Variants in DHX35 observed in about 807,000 individuals in gnomAD.
The protein encoded by DHX35 is DEAH-box helicase 35, also known as probable ATP-dependent RNA helicase DHX35.
A neutral mutation model predicts 99.6 loss-of-function variants in DHX35; 84 were observed. That is an observed-to-expected ratio of 0.84 (90% CI 0.71 to 1.01). The LOEUF (loss-of-function observed/expected upper bound fraction) is 1.01. DHX35 is among the 50% of genes least tolerant of loss of function. The pLI is 0.00. For missense variants in DHX35, 852 were observed against 888.5 expected, an observed-to-expected ratio of 0.96 and a Z score of 0.52; for synonymous variants, 331 against 316.2, an observed-to-expected ratio of 1.05 and a Z score of -0.50.
In DHX35 at chr20:39,038,554, C is replaced by T. The variant is rs1387470234; in HGVS notation, c.*11C>T. ...GTCCAGGACCCGTGAGAGGAGCCCA[C>T]AGCTACAGCTGCAGGGACTGCTGGC... On this transcript the variant is annotated 3_prime_UTR_variant, in exon 22 of 22. Coordinates refer to ENST00000252011, the MANE Select transcript of DHX35 (RefSeq NM_021931.4). 2 of 1,610,874 alleles carry T rather than the reference C, an allele frequency of 1.2e-6. No individual in the cohort carries two copies. The highest frequency in any genetic ancestry group is 1.7e-6 in the Non-Finnish European group (2 of 1,179,664).
chr20:39,031,919 G>T (rs2087060828), intron 20 of DHX35, among the ~76,000 whole-genome samples: 1 of 152,216 alleles, frequency 6.6e-6, no homozygotes, highest in African/African-American at 2.4e-5. Flanking sequence ...GGTATGGGTG[G>T]CCCATGCAAT....
At chr20:38,994,342 C>T (rs953015011) in intron 7 of DHX35, among the ~76,000 whole-genome samples, 3 of 151,800 alleles carry the variant, frequency 2.0e-5, no homozygotes, top group Admixed American at 6.6e-5. Flanking sequence ...GGTCACTTCT[C>T]CAATGCCTGT....
chr20:39,029,708 A>T (rs776949215), intron 19 of DHX35: 1 of 152,062 alleles, frequency 6.6e-6, no homozygotes, highest in African/African-American at 2.4e-5. Flanking sequence ...AATTTTGACT[A>T]GCGTTTGGAA....
At chr20:39,016,809 A>G (rs1054617480) in intron 14 of DHX35, among the ~76,000 whole-genome samples, 1 of 149,764 alleles carries the variant, frequency 6.7e-6, no homozygotes, top group African/African-American at 2.4e-5. Flanking sequence ...CCCATTTGTA[A>G]ATCTTCTTTG....
At chr20:38,996,262 G>A (rs1018664301) in intron 8 of DHX35, among the ~76,000 whole-genome samples, 3 of 152,070 alleles carry the variant, frequency 2.0e-5, no homozygotes, top group African/African-American at 7.2e-5. Context: ...TGTTTATTGT[G>A]TGTCTCCTGT....
rs1445139686 is a variant in DHX35 at position 39,006,297 on chromosome 20, A to G, written c.1163A>G (p.Asn388Ser). 2 of 1,614,030 alleles carry G rather than the reference A, an allele frequency of 1.2e-6. No individual in the cohort carries two copies. Among genetic ancestry groups the G allele is most frequent in the Non-Finnish European group, 1.7e-6 (2 of 1,180,022 alleles). ...GTGCCAGTCTCCCAGGCATCAGCTA[A>G]TCAGCGAGCAGGACGTGGTGGTCGT... ...VVVPVSQASA[N>S]QRAGRGGRSR... Residue 388 changes from asparagine to serine, a missense_variant, in exon 12 of 22, where the codon AAT becomes AGT. Asn to Ser is a conservative substitution (Grantham distance 46). Coordinates refer to ENST00000252011, the MANE Select transcript of DHX35 (RefSeq NM_021931.4).
intron 1 of DHX35, among the ~76,000 whole-genome samples, chr20:38,968,049 G>A (rs937907415): frequency 6.6e-6 from 1 of 152,148 alleles, no homozygotes; most frequent in Non-Finnish European, 1.5e-5. Context: ...CTGAGAGGAA[G>A]AATTAAAAAA....
chr20:39,037,769 C>T (rs55662361), intron 21 of DHX35, among the ~76,000 whole-genome samples: 7,313 of 152,286 alleles, frequency 0.048, 585 homozygotes, highest in African/African-American at 0.17. Flanking sequence ...TGTATTTACA[C>T]ACTCTGCCTC....
chr20:38,995,252 C>T (rs965707650), intron 8 of DHX35, among the ~76,000 whole-genome samples: 7 of 152,102 alleles, frequency 4.6e-5, no homozygotes, highest in Admixed American at 1.3e-4. Flanking sequence ...GGGCTGGGCA[C>T]GGTGGCTCAC....
intron 13 of DHX35, 91 bp downstream of exon 13, chr20:39,010,495 T>C: frequency 1.3e-6 from 2 of 1,504,226 alleles, no homozygotes; most frequent in Non-Finnish European, 9.0e-7. Flanking sequence ...CCATCTTTCC[T>C]TTTTTTCCCT....
At position 39,038,906 on chromosome 20, in the gene DHX35, G is replaced by C. The variant is rs2087200590; in HGVS notation, c.*363G>C. The C allele has an allele frequency of 1.3e-5, 4 of 304,372 alleles. No homozygotes were observed. The highest frequency in any genetic ancestry group is 4.5e-5 in the South Asian group (1 of 22,392). 18.9% of individuals were successfully genotyped at this position (304,372 alleles called of 1,614,324 possible). On this transcript the variant is annotated 3_prime_UTR_variant, in exon 22 of 22. Transcript: ENST00000252011. ...GCCACTGAAGGCCAAAACACCATGT[G>C]GGGTGGACAGAGGGTTTGCTGGGCT...
intron 9 of DHX35, 113 bp downstream of exon 9, chr20:39,001,955 G>T (rs2086527403): frequency 3.5e-6 from 3 of 863,542 alleles, no homozygotes; most frequent in South Asian, 1.4e-5. Context: ...AGCATGTTTT[G>T]TGTCCCTAGT....
chr20:38,998,684 T>G (rs2086469195), intron 8 of DHX35, among the ~76,000 whole-genome samples: 1 of 152,254 alleles, frequency 6.6e-6, no homozygotes, highest in Non-Finnish European at 1.5e-5. Flanking sequence ...GCCTCAAGAT[T>G]CTTGCATTGT....
intron 3 of DHX35, chr20:38,977,637 G>A (rs548837368): frequency 1.1e-4 from 38 of 350,636 alleles, no homozygotes; most frequent in Admixed American, 3.2e-4. Flanking sequence ...AATGGAACCT[G>A]GACAACATTT....
intron 14 of DHX35, among the ~76,000 whole-genome samples, chr20:39,017,216 G>A (rs2086800646): frequency 6.6e-6 from 1 of 151,998 alleles, no homozygotes; most frequent in Non-Finnish European, 1.5e-5. Context: ...AGTGAGGTAG[G>A]GGTCCATCTT....
chr20:38,995,023 T>C, intron 8 of DHX35, 143 bp downstream of exon 8: 3 of 661,854 alleles, frequency 4.5e-6, no homozygotes, highest in Non-Finnish European at 5.3e-6. Flanking sequence ...CTAGATTTCA[T>C]ATAATCAGAG....
At chr20:39,016,682 C>T (rs1399500026) in intron 14 of DHX35, among the ~76,000 whole-genome samples, 1 of 152,062 alleles carries the variant, frequency 6.6e-6, no homozygotes, top group African/African-American at 2.4e-5. Flanking sequence ...GTTGCCAATG[C>T]TTGTAATTGT....
At chr20:39,003,965 C>T (rs2086569239) in intron 11 of DHX35, 58 bp downstream of exon 11, 4 of 1,584,242 alleles carry the variant, frequency 2.5e-6, no homozygotes, top group Non-Finnish European at 3.5e-6. Context: ...TAATGATGCT[C>T]CTTTACTTGT....
chr20:39,028,322 C>A, intron 18 of DHX35, 96 bp from the exon 19 acceptor site: 1 of 1,237,470 alleles, frequency 8.1e-7, no homozygotes, highest in Non-Finnish European at 1.2e-6. Flanking sequence ...TTGAAGCAGC[C>A]TGGGGTGGTG....
Sources: gnomAD v4.1 joint callset for allele counts (sites outside exome capture counted in the v4.1 genomes callset) on GRCh38, gnomAD v4.1.1 for gene constraint, MANE v1.5 for transcripts, NCBI Gene and HGNC (gene_info 2026-07-23, HGNC 2026-07-21) for gene names.